The following DSG2 variants were observed in gnomAD, a reference collection of about 807,000 sequenced individuals.
DSG2 encodes desmoglein-2.
A neutral mutation model predicts 75.6 loss-of-function variants in DSG2; 45 were observed. The observed-to-expected ratio is 0.60, with a 90% CI of 0.47 to 0.76. The LOEUF (loss-of-function observed/expected upper bound fraction) is 0.76. Among genes scored for constraint, DSG2 ranks in the 30% least tolerant of loss-of-function variants. The probability of loss-of-function intolerance (pLI) is 0.00; values close to 1 mark genes in which losing one functional copy is unlikely to be tolerated. For synonymous variants in DSG2, 429 were observed against 483.9 expected (o/e 0.89, Z 1.49); for missense variants, 1,267 against 1,357.4 (o/e 0.93, Z 1.05).
At chr18:31,500,114 G>C (rs575431002) in intron 1 of DSG2, among the ~76,000 whole-genome samples, 2 of 151,766 alleles carry the variant, frequency 1.3e-5, no homozygotes, top group African/African-American at 4.8e-5. Context: ...TCCTTTATTG[G>C]AAGGAATATA....
In DSG2 at chr18:31,531,214, A is replaced by G. The variant is rs1375149837; in HGVS notation, c.1242A>G (p.Gln414=). 1.2e-6 allele frequency: 2 copies of G among 1,614,190 alleles called. No homozygotes were observed. The highest frequency in any genetic ancestry group is 1.7e-6 in the Non-Finnish European group (2 of 1,180,022). Residue 414 remains glutamine (Q), a synonymous_variant, in exon 9 of 15, where the codon CAA becomes CAG. Coordinates refer to ENST00000261590, the MANE Select transcript of DSG2 (RefSeq NM_001943.5). Reference sequence around the variant, plus strand: ...AAGGCCAAATAATTGGAAATTTTCAAGCTTTTGATGAGGACACTGGACTAC... The same window carrying G: ...AAGGCCAAATAATTGGAAATTTTCAGGCTTTTGATGAGGACACTGGACTAC... ...SSKGQIIGNF[Q]AFDEDTGLPA...
In DSG2 at chr18:31,519,843, A is replaced by G; in HGVS notation, c.122A>G (p.His41Arg). 3.1e-6 allele frequency: 5 copies of G among 1,614,208 alleles called. No homozygotes were observed. Among genetic ancestry groups the G allele is most frequent in the African/African-American group, 1.3e-5 (1 of 75,062 alleles). ...AATGAAAATAAGCTGCTTCCTAAAC[A>G]TCCTCATTTAGTGCGGCAAAAGCGC... ...TRNENKLLPK[H>R]PHLVRQKRAW... The change falls in exon 3 of 15, where the codon CAT (histidine) becomes CGT (arginine). Residue 41 changes from histidine (H) to arginine (R), a missense_variant. Physicochemically the swap from His to Arg is conservative, Grantham distance 29. Transcript: ENST00000261590.
chr18:31,538,477 A>G (rs569661321), intron 11 of DSG2, among the ~76,000 whole-genome samples: 1 of 152,308 alleles, frequency 6.6e-6, no homozygotes, highest in Non-Finnish European at 1.5e-5. Flanking sequence ...TTCCCAGTGT[A>G]TAGAACAGTT....
At chr18:31,500,985 A>T (rs747514687) in intron 1 of DSG2, among the ~76,000 whole-genome samples, 32 of 152,226 alleles carry the variant, frequency 2.1e-4, no homozygotes, top group Non-Finnish European at 3.8e-4. Flanking sequence ...AGTAGCTGTG[A>T]CTATCACAAT....
chr18:31,527,417 T>C (rs1373053997), intron 8 of DSG2, among the ~76,000 whole-genome samples: 1 of 152,024 alleles, frequency 6.6e-6, no homozygotes, highest in East Asian at 1.9e-4. Context: ...TGTACTATGA[T>C]AGCACAAAAA....
At position 31,519,917 on chromosome 18, in the gene DSG2, A is replaced by G. The variant is rs759603724; in HGVS notation, c.196A>G (p.Lys66Glu). 22 of 1,614,186 alleles carry G rather than the reference A, an allele frequency of 1.4e-5. No homozygotes were observed. In the East Asian group the frequency reaches 4.7e-4, roughly 34 times the overall value. Residue 66 changes from lysine (K) to glutamate (E), a missense_variant, in exon 3 of 15, where the codon AAG (lysine) becomes GAG (glutamate). Lys to Glu is a moderately conservative substitution (Grantham distance 56). Coordinates refer to ENST00000261590, the MANE Select transcript of DSG2 (RefSeq NM_001943.5). Reference protein sequence around the residue: ...VALREGEDLSKKNPIAKIHSD... With the variant: ...VALREGEDLSEKNPIAKIHSD... ...TCTTCGGGAGGGAGAGGATCTGTCC[A>G]AGAAGAATCCAATTGCCAAGGTACC...
intron 14 of DSG2, among the ~76,000 whole-genome samples, chr18:31,544,040 A>C (rs959709466): frequency 1.3e-5 from 2 of 152,256 alleles, no homozygotes; most frequent in African/African-American, 4.8e-5. Flanking sequence ...CTTAAAGCAA[A>C]AACAACTGAA....
At chr18:31,513,780 C>G (rs1054601657) in intron 1 of DSG2, among the ~76,000 whole-genome samples, 4 of 152,182 alleles carry the variant, frequency 2.6e-5, no homozygotes, top group Admixed American at 2.6e-4. Flanking sequence ...AACTTTACAA[C>G]GGAGAAACTG....
In DSG2 at chr18:31,522,176, C is replaced by T; in HGVS notation, c.617C>T (p.Ala206Val). Reference sequence around the variant, plus strand: ...TATAGAATCGTATCTCTGGAGCCTGCTTATCCTCCAGTGTTCTACCTAAAT... The same window carrying T: ...TATAGAATCGTATCTCTGGAGCCTGTTTATCCTCCAGTGTTCTACCTAAAT... ...ISYRIVSLEP[A>V]YPPVFYLNKD... Residue 206 changes from alanine (A) to valine (V), a missense_variant, in exon 6 of 15, where the codon GCT becomes GTT. Coordinates refer to ENST00000261590, the MANE Select transcript of DSG2 (RefSeq NM_001943.5). 1 of 1,613,354 alleles carries T rather than the reference C, an allele frequency of 6.2e-7. No individual in the cohort carries two copies. Among genetic ancestry groups the T allele is most frequent in the East Asian group, 2.2e-5 (1 of 44,834 alleles).
rs778663092 is a variant in DSG2 at position 31,531,076 on chromosome 18, C to T, written c.1104C>T (p.Tyr368=). The T allele has an allele frequency of 1.9e-6, 3 of 1,614,070 alleles. No homozygotes were observed. The highest frequency in any genetic ancestry group is 2.5e-6 in the Non-Finnish European group (3 of 1,179,980). The change falls in exon 9 of 15, where the codon TAC becomes TAT. Residue 368 remains tyrosine (Y), a synonymous_variant. Coordinates refer to ENST00000261590, the MANE Select transcript of DSG2 (RefSeq NM_001943.5). The stretch of plus-strand genomic sequence containing the variant: ...TTCACAAGTCGATTAGGAGTAAATA[C>T]AAGCCTACACCCATTCCCATCAAGG... The part of the protein sequence containing the change: ...AAFHKSIRSK[Y]KPTPIPIKVK...
intron 11 of DSG2, among the ~76,000 whole-genome samples, chr18:31,537,442 AC>A (rs1375049127): frequency 6.6e-6 from 1 of 151,934 alleles, no homozygotes; most frequent in Non-Finnish European, 1.5e-5. Context: ...ACACGGTGAA[AC>A]CCCGTCTCTA....
Position 31,524,042 on chromosome 18 carries a change from A to G in DSG2, c.691-406A>G, listed in dbSNP as rs568229510. On this transcript the variant is annotated intron_variant, in intron 6 of 14. Transcript: ENST00000261590. ...TCAAATCTCTGGGGAATTCTGGACA[A>G]AGTTCACCCAGTTTTGCCTTCACTA... is the stretch of plus-strand genomic sequence containing the variant. Among the ~76,000 whole-genome samples, 38 of 152,348 alleles carry G rather than the reference A, an allele frequency of 2.5e-4. No homozygotes were observed. The East Asian group carries it at 6.4e-3, about 26-fold the overall frequency.
At position 31,546,542 on chromosome 18, in the gene DSG2, A is replaced by C; in HGVS notation, c.3156A>C (p.Ala1052=). ...TGACAGTGACAGAAAGAGTTCTAGC[A>C]CCTGCTTCCACTCTGCAATCCAGTT... ...QNVTVTERVL[A]PASTLQSSYQ... is the part of the protein sequence containing the mutation. Residue 1052 remains alanine, a synonymous_variant, in exon 15 of 15, where the codon GCA becomes GCC. Transcript: ENST00000261590. The C allele has an allele frequency of 6.2e-7, 1 of 1,614,186 alleles. No individual in the cohort carries two copies. Among genetic ancestry groups the C allele is most frequent in the Admixed American group, 1.7e-5 (1 of 60,030 alleles).
Position 31,526,203 on chromosome 18 carries a change from T to G in DSG2, c.1014+1315T>G, listed in dbSNP as rs538343624. 2.0e-5 allele frequency among the ~76,000 whole-genome samples: 3 copies of G among 152,306 alleles called. No homozygotes were observed. The South Asian group carries it at 6.2e-4, about 32-fold the overall frequency. On this transcript the variant is annotated intron_variant, in intron 8 of 14. Transcript: ENST00000261590. ...TTAAGTAGCTTATATTAGAATTGCC[T>G]TACCAGATTTTAAAATAAAATGCAA...
chr18:31,531,747 C>G (rs888490688), intron 9 of DSG2, among the ~76,000 whole-genome samples: 1 of 152,226 alleles, frequency 6.6e-6, no homozygotes, highest in African/African-American at 2.4e-5. Flanking sequence ...GCCTCCTACA[C>G]TGTTTATGTT....
chr18:31,530,915 CAT>C (rs2073192722), intron 8 of DSG2, 70 bp from the exon 9 acceptor site: 1 of 1,464,550 alleles, frequency 6.8e-7, no homozygotes, highest in Admixed American at 1.7e-5. Flanking sequence ...TAAAACCACA[CAT>C]GTATATGTAT....
At chr18:31,520,730 GC>G in intron 3 of DSG2, 72 bp from the exon 4 acceptor site, 1 of 1,479,566 alleles carries the variant, frequency 6.8e-7, no homozygotes, top group Non-Finnish European at 9.4e-7. Flanking sequence ...CACTTCTTAG[GC>G]TTTTGGCTAA....
At chr18:31,534,194 G>A (rs113830544) in intron 9 of DSG2, among the ~76,000 whole-genome samples, 6 of 152,134 alleles carry the variant, frequency 3.9e-5, no homozygotes, top group African/African-American at 1.2e-4. Flanking sequence ...TAACCTGTTG[G>A]TCAGGCTGGT....
chr18:31,515,401 G>A (rs1463265678), intron 1 of DSG2, among the ~76,000 whole-genome samples: 2 of 152,130 alleles, frequency 1.3e-5, no homozygotes, highest in South Asian at 2.1e-4. Flanking sequence ...CACTGTACCC[G>A]GCCTAAATAT....
Sources: gnomAD v4.1 joint callset for allele counts (sites outside exome capture counted in the v4.1 genomes callset) on GRCh38, gnomAD v4.1.1 for gene constraint, MANE v1.5 for transcripts, NCBI Gene and HGNC (gene_info 2026-07-23, HGNC 2026-07-21) for gene names.